The following ESCO1 variants were observed in gnomAD, a reference collection of about 807,000 sequenced individuals.
ESCO1 encodes the protein establishment of sister chromatid cohesion N-acetyltransferase 1.
A neutral mutation model predicts 83.5 loss-of-function variants in ESCO1; 33 were observed. The observed-to-expected ratio is 0.40, with a 90% CI of 0.30 to 0.53. The LOEUF (loss-of-function observed/expected upper bound fraction) is 0.53. Ranked by LOEUF, ESCO1 falls within the 20% of genes least tolerant of loss-of-function variation. ESCO1 has a pLI of 0.63. For missense variants in ESCO1, 855 were observed against 968.0 expected (o/e 0.88, Z 1.55); for synonymous variants, 332 against 324.3 (o/e 1.02, Z -0.25).
intron 4 of ESCO1, among the ~76,000 whole-genome samples, chr18:21,568,298 C>T (rs980274913): frequency 2.6e-5 from 4 of 152,084 alleles, no homozygotes; most frequent in Admixed American, 6.6e-5. Flanking sequence ...AATTTAAAAA[C>T]AAGCAGGGTA....
chr18:21,558,335 G>A (rs1042587414), intron 8 of ESCO1, among the ~76,000 whole-genome samples: 2 of 151,834 alleles, frequency 1.3e-5, no homozygotes, highest in Non-Finnish European at 2.9e-5. Flanking sequence ...TTGAAAATAC[G>A]ACTTTTAGCC....
intron 4 of ESCO1, among the ~76,000 whole-genome samples, chr18:21,571,460 G>C (rs145529495): frequency 2.0e-5 from 3 of 152,120 alleles, no homozygotes; most frequent in Admixed American, 6.6e-5. Flanking sequence ...AAAGTCCTGG[G>C]ATTAAAGGCA....
intron 1 of ESCO1, among the ~76,000 whole-genome samples, chr18:21,599,035 T>C (rs960488650): frequency 6.6e-6 from 1 of 151,444 alleles, no homozygotes; most frequent in African/African-American, 2.4e-5. Flanking sequence ...TTAGATTTTT[T>C]GCTTTTCAAA....
intron 1 of ESCO1, among the ~76,000 whole-genome samples, chr18:21,588,087 A>G (rs2038607571): frequency 6.7e-6 from 1 of 149,176 alleles, no homozygotes; most frequent in African/African-American, 2.5e-5. Flanking sequence ...GCAACCCAGC[A>G]AGGATCCATC....
At chr18:21,538,510 C>T (rs1349083287) in intron 9 of ESCO1, among the ~76,000 whole-genome samples, 1 of 152,076 alleles carries the variant, frequency 6.6e-6, no homozygotes, top group African/African-American at 2.4e-5. Flanking sequence ...TGTTAGGCAG[C>T]AGTAATATGA....
chr18:21,553,176 G>GCTA (rs1401950394), intron 8 of ESCO1, among the ~76,000 whole-genome samples: 1 of 152,132 alleles, frequency 6.6e-6, no homozygotes, highest in Non-Finnish European at 1.5e-5. Context: ...TGTGGTCCCA[G>GCTA]CTACTAGGAA....
At chr18:21,534,047 C>G (rs895442519) in intron 10 of ESCO1, among the ~76,000 whole-genome samples, 3 of 152,174 alleles carry the variant, frequency 2.0e-5, no homozygotes, top group Non-Finnish European at 4.4e-5. Context: ...TCCCAAGTAG[C>G]TGGGACTACA....
At chr18:21,588,114 A>C (rs1230414702) in intron 1 of ESCO1, among the ~76,000 whole-genome samples, 3 of 151,928 alleles carry the variant, frequency 2.0e-5, no homozygotes, top group African/African-American at 7.2e-5. Flanking sequence ...AAAAAAAAAA[A>C]AGCAAAACCC....
rs978457877 is a variant in ESCO1 at position 21,556,285 on chromosome 18, A to C, written c.1953+4574T>G. ...AAAATAAAATTTAAAAATCAGAAAA[A>C]AAATCTCTAATCCTGCTCTACTACT... On this transcript the variant is annotated intron_variant, in intron 8 of 11. Coordinates refer to ENST00000269214, the MANE Select transcript of ESCO1 (RefSeq NM_052911.3). Among the ~76,000 whole-genome samples the C allele has an allele frequency of 2.0e-5, 3 of 152,258 alleles. No individual in the cohort carries two copies. The East Asian group carries it at 5.8e-4, about 29-fold the overall frequency.
chr18:21,556,320 T>C (rs1257376991), intron 8 of ESCO1, among the ~76,000 whole-genome samples: 1 of 152,210 alleles, frequency 6.6e-6, no homozygotes, highest in Non-Finnish European at 1.5e-5. Context: ...TATTCACTTC[T>C]CTTTTCTCTA....
intron 1 of ESCO1, among the ~76,000 whole-genome samples, chr18:21,588,700 T>A (rs917356618): frequency 4.6e-5 from 7 of 152,204 alleles, no homozygotes; most frequent in Non-Finnish European, 1.0e-4. Flanking sequence ...GCAAATCTCT[T>A]GAGCACAGGA....
Position 21,600,555 on chromosome 18 carries a change from C to G in ESCO1, c.-825+68G>C, listed in dbSNP as rs997780735. The G allele has an allele frequency of 3.3e-5, 5 of 152,518 alleles. No individual in the cohort carries two copies. In the East Asian group the frequency reaches 5.8e-4, roughly 18 times the overall value. 9.4% of individuals were successfully genotyped at this position (152,518 alleles called of 1,614,324 possible). The stretch of plus-strand genomic sequence containing the variant: ...ACAGGAAGAGGGAGAACTGTCCGCT[C>G]CCTGAAGGGGCTGGCAAAAGAGAGG... On this transcript the variant is annotated intron_variant, in intron 1 of 11. Transcript: ENST00000269214.
chr18:21,551,204 C>T (rs928557983), intron 8 of ESCO1, among the ~76,000 whole-genome samples: 1 of 151,796 alleles, frequency 6.6e-6, no homozygotes, highest in Non-Finnish European at 1.5e-5. Context: ...GGCGCAGTGG[C>T]TCATGCCTGT....
chr18:21,564,548 G>A (rs949638677), intron 6 of ESCO1, among the ~76,000 whole-genome samples: 4 of 69,796 alleles, frequency 5.7e-5, no homozygotes, highest in Non-Finnish European at 1.2e-4. Context: ...CAGCCACCAC[G>A]CCCAGCTAAT....
At chr18:21,592,301 C>T (rs1394473962) in intron 1 of ESCO1, among the ~76,000 whole-genome samples, 1 of 150,418 alleles carries the variant, frequency 6.6e-6, no homozygotes, top group Non-Finnish European at 1.5e-5. Context: ...GGCAGAGGGG[C>T]TCCTCACTTC....
chr18:21,536,326 A>G, intron 9 of ESCO1, 141 bp from the exon 10 acceptor site: 1 of 967,460 alleles, frequency 1.0e-6, no homozygotes, highest in Non-Finnish European at 1.5e-6. Context: ...GTGGTGGTTC[A>G]CACCTGTAAT....
intron 10 of ESCO1, among the ~76,000 whole-genome samples, chr18:21,534,632 C>CTT (rs869215387): frequency 9.9e-5 from 14 of 140,916 alleles, no homozygotes; most frequent in Admixed American, 5.0e-4. Flanking sequence ...AGGTGTGGGC[C>CTT]TTTTTTTTTT....
Position 21,530,279 on chromosome 18 carries a change from A to G in ESCO1, c.*64T>C. On this transcript the variant is annotated 3_prime_UTR_variant, in exon 12 of 12. Transcript: ENST00000269214. ...ATAAAAATGGCCCTAGTTCCTGGTT[A>G]AAGTCAGCAACCAATCCATTCTCTT... The G allele has an allele frequency of 7.2e-7, 1 of 1,385,728 alleles. No homozygotes were observed. The highest frequency in any genetic ancestry group is 9.5e-7 in the Non-Finnish European group (1 of 1,054,654). The allele number at this position is 1,385,728 out of a possible 1,614,324, so 85.8% of individuals were successfully genotyped here.
intron 8 of ESCO1, among the ~76,000 whole-genome samples, chr18:21,553,514 A>C (rs1205255114): frequency 6.6e-6 from 1 of 151,352 alleles, no homozygotes; most frequent in Admixed American, 6.6e-5. Flanking sequence ...GAATGAGAAG[A>C]CAAGCCACAG....
Sources: gnomAD v4.1 joint callset for allele counts (sites outside exome capture counted in the v4.1 genomes callset) on GRCh38, gnomAD v4.1.1 for gene constraint, MANE v1.5 for transcripts, NCBI Gene and HGNC (gene_info 2026-07-23, HGNC 2026-07-21) for gene names.